The following TMEM132C variants were observed in gnomAD, a reference collection of about 807,000 sequenced individuals.
The protein encoded by TMEM132C is protein phosphatase 1, regulatory subunit 152.
TMEM132C carries 29 observed loss-of-function variants against 61.4 expected under a neutral mutation model. That is an observed-to-expected ratio of 0.47 (90% CI 0.35 to 0.64). The LOEUF is 0.64. TMEM132C is among the 30% of genes least tolerant of loss of function. TMEM132C has a pLI of 0.00. For missense variants in TMEM132C, 1,408 were observed against 1,476.9 expected, an observed-to-expected ratio of 0.95 and a Z score of 0.76; for synonymous variants, 656 against 633.1, an observed-to-expected ratio of 1.04 and a Z score of -0.54.
intron 1 of TMEM132C, among the ~76,000 whole-genome samples, chr12:128,343,228 A>G (rs576587018): frequency 3.3e-5 from 5 of 152,210 alleles, no homozygotes; most frequent in African/African-American, 1.2e-4. Context: ...GATTGAGACC[A>G]TCCTGGCCAA....
chr12:128,375,376 G>T (rs1305686383), intron 1 of TMEM132C, among the ~76,000 whole-genome samples: 1 of 152,118 alleles, frequency 6.6e-6, no homozygotes, highest in Non-Finnish European at 1.5e-5. Context: ...CCAGGTGTTG[G>T]CAGGGTGGCT....
intron 1 of TMEM132C, among the ~76,000 whole-genome samples, chr12:128,307,145 T>C (rs1262640948): frequency 1.3e-5 from 2 of 152,278 alleles, no homozygotes; most frequent in East Asian, 1.9e-4. Flanking sequence ...CCACCCTTGG[T>C]TATATGGCAC....
chr12:128,630,598 C>T lies in TMEM132C; in HGVS notation c.1305+14263C>T, dbSNP rs899384049. Among the ~76,000 whole-genome samples, 4 of 152,196 alleles carry T rather than the reference C, an allele frequency of 2.6e-5. No homozygotes were observed. The highest frequency in any genetic ancestry group is 5.9e-5 in the Non-Finnish European group (4 of 68,044). On this transcript the variant is annotated intron_variant, in intron 4 of 8. Transcript: ENST00000435159. This position sits in a 1 kb window ranked among gnomAD's most constrained non-coding sequence, Gnocchi z 4.3. The stretch of plus-strand genomic sequence containing the variant: ...ACGATGCTATCTGTGCAGTCAGCCT[C>T]TCCATCGTCCATGTTCCCTCTGGGC...
intron 2 of TMEM132C, among the ~76,000 whole-genome samples, chr12:128,440,453 G>A (rs937062417): frequency 6.6e-6 from 1 of 152,188 alleles, no homozygotes; most frequent in African/African-American, 2.4e-5. Context: ...TCCCTCTGTG[G>A]GGACATCTCC....
chr12:128,496,111 T>A (rs1391804992), intron 2 of TMEM132C, among the ~76,000 whole-genome samples: 1 of 152,140 alleles, frequency 6.6e-6, no homozygotes, highest in Admixed American at 6.5e-5. Flanking sequence ...TGGCTGGATA[T>A]GAAATTCTGG....
chr12:128,271,293 T>G (rs1255933444), intron 1 of TMEM132C, among the ~76,000 whole-genome samples: 1 of 130,340 alleles, frequency 7.7e-6, no homozygotes, highest in African/African-American at 3.1e-5. Context: ...ATAATAATAA[T>G]AATAATAATA....
intron 1 of TMEM132C, among the ~76,000 whole-genome samples, chr12:128,367,983 T>C (rs892803581): frequency 6.6e-6 from 1 of 152,176 alleles, no homozygotes; most frequent in Non-Finnish European, 1.5e-5. Flanking sequence ...AGCCGGACTT[T>C]GGAGATGAAA....
intron 3 of TMEM132C, among the ~76,000 whole-genome samples, chr12:128,550,399 C>T (rs1358271369): frequency 6.6e-6 from 1 of 151,852 alleles, no homozygotes; most frequent in Non-Finnish European, 1.5e-5. Context: ...ACTTCCTGGG[C>T]TCAAGCGATC....
rs1472108583 is a variant in TMEM132C, at chr12:128,537,471, AAG to A, written c.975-6481_975-6480del. Among the ~76,000 whole-genome samples the A allele has an allele frequency of 1.1e-4, 16 of 152,298 alleles. No homozygotes were observed. The East Asian group carries it at 3.1e-3, about 29-fold the overall frequency. On this transcript the variant is annotated intron_variant, in intron 2 of 8. Transcript: ENST00000435159. Reference sequence around the variant, plus strand: ...AGGTTTCACTGGCATCTCCTTGGCCAAGAGAGGGTCCGTTCCATCTGTTGGGT... The same window carrying A: ...AGGTTTCACTGGCATCTCCTTGGCCAAGAGGGTCCGTTCCATCTGTTGGGT...
chr12:128,575,495 GA>G (rs201872103), intron 3 of TMEM132C, among the ~76,000 whole-genome samples: 2,917 of 151,238 alleles, frequency 0.019, 66 homozygotes, highest in African/African-American at 0.055. Context: ...AAAAAAAAAA[GA>G]AAAAAAAGGA....
chr12:128,564,597 C>A (rs1252303714), intron 3 of TMEM132C, among the ~76,000 whole-genome samples: 1 of 152,196 alleles, frequency 6.6e-6, no homozygotes, highest in African/African-American at 2.4e-5. Context: ...TTCCAGAAAA[C>A]AATGTAAGTG....
At chr12:128,332,258 G>C (rs942105678) in intron 1 of TMEM132C, among the ~76,000 whole-genome samples, 1 of 152,234 alleles carries the variant, frequency 6.6e-6, no homozygotes, top group Non-Finnish European at 1.5e-5. Flanking sequence ...CTTCTGGGAA[G>C]ATGGAGAAAG....
intron 2 of TMEM132C, among the ~76,000 whole-genome samples, chr12:128,460,691 A>G (rs1007605179): frequency 2.0e-5 from 3 of 152,182 alleles, no homozygotes; most frequent in Admixed American, 2.0e-4. Context: ...CAATGAATGC[A>G]AGTTTGCAGG....
Position 128,604,406 on chromosome 12 carries a change from AAGATAGATAGAT to A in TMEM132C, c.1122-11712_1122-11701del, listed in dbSNP as rs199758796. On this transcript the variant is annotated intron_variant, in intron 3 of 8. Coordinates refer to ENST00000435159, the MANE Select transcript of TMEM132C (RefSeq NM_001136103.3). ...GGCTAGATAGATAAATAATGGATGG[AAGATAGATAGAT>A]AGATAGATAGATAGATAGATAGATA... 9.9e-3 allele frequency among the ~76,000 whole-genome samples: 1,430 copies of A among 144,520 alleles called. 28 individuals are homozygous for A. The highest frequency in any genetic ancestry group is 0.064 in the East Asian group (311 of 4,830). The allele number at this position is 144,520 out of a possible 152,430, so 94.8% of individuals were successfully genotyped here. A position where few individuals can be genotyped will look rare whatever the true frequency, so the allele number is the denominator to read the frequency against.
chr12:128,275,727 T>C (rs1345920873), intron 1 of TMEM132C, among the ~76,000 whole-genome samples: 1 of 152,098 alleles, frequency 6.6e-6, no homozygotes, highest in Non-Finnish European at 1.5e-5. Flanking sequence ...TGGTTGACAA[T>C]ATTTAATGCA....
chr12:128,705,741 A>T lies in TMEM132C; in HGVS notation c.2773A>T (p.Ile925Leu), dbSNP rs1408782255. 5 of 1,551,326 alleles carry T rather than the reference A, an allele frequency of 3.2e-6. No homozygotes were observed. The highest frequency in any genetic ancestry group is 2.7e-5 in the African/African-American group (2 of 73,008). Residue 925 changes from isoleucine to leucine, a missense_variant, in exon 9 of 9, where the codon ATA (isoleucine) becomes TTA (leucine). Transcript: ENST00000435159. ...QTPRGLSDLE[I>L]GMYALLGVFC... ...TCCGCGGGGCCTGAGTGATCTGGAG[A>T]TAGGGATGTACGCCCTCCTGGGGGT...
chr12:128,683,605 G>T (rs1399739893), intron 5 of TMEM132C, among the ~76,000 whole-genome samples: 3 of 152,172 alleles, frequency 2.0e-5, no homozygotes, highest in African/African-American at 7.2e-5. Flanking sequence ...AAAATGGTTT[G>T]TGTGAAGATG....
chr12:128,601,177 G>A (rs1183625944), intron 3 of TMEM132C, among the ~76,000 whole-genome samples: 1 of 152,142 alleles, frequency 6.6e-6, no homozygotes, highest in East Asian at 1.9e-4. Flanking sequence ...CTTGGAATGG[G>A]CTCAACCCTT....
intron 2 of TMEM132C, among the ~76,000 whole-genome samples, chr12:128,443,471 T>C (rs1312052454): frequency 6.6e-6 from 1 of 152,204 alleles, no homozygotes; most frequent in Non-Finnish European, 1.5e-5. Flanking sequence ...TTTTTAAAGT[T>C]TTTAAATTTA....
Sources: gnomAD v4.1 joint callset for allele counts (sites outside exome capture counted in the v4.1 genomes callset) on GRCh38, gnomAD v4.1.1 for gene constraint, Gnocchi (gnomAD v3.1) non-coding constraint, MANE v1.5 for transcripts, NCBI Gene and HGNC (gene_info 2026-07-23, HGNC 2026-07-21) for gene names.